SLC22A24: variants seen among roughly 807,000 people sequenced by gnomAD.
SLC22A24 encodes solute carrier family 22 member 24, also known as steroid transmembrane transporter SLC22A24.
In SLC22A24, 53 loss-of-function variants were observed where a neutral mutation model predicts 49.8. That is an observed-to-expected ratio of 1.06 (90% CI 0.85 to 1.34). The LOEUF is 1.34. SLC22A24 is among the 40% of genes most tolerant of loss of function. The pLI is 0.00. For missense variants in SLC22A24, 786 were observed against 675.9 expected (o/e 1.16, Z -1.81); for synonymous variants, 302 against 256.4 (o/e 1.18, Z -1.70).
chr11:63,085,782 T>C (rs1201677134), intron 6 of SLC22A24, among the ~76,000 whole-genome samples: 2 of 152,226 alleles, frequency 1.3e-5, no homozygotes, highest in Non-Finnish European at 2.9e-5. Flanking sequence ...ATGACGATGA[T>C]GGTAATGATA....
At chr11:63,124,290 A>G (rs1222457140) in intron 2 of SLC22A24, among the ~76,000 whole-genome samples, 3 of 152,144 alleles carry the variant, frequency 2.0e-5, no homozygotes, top group African/African-American at 7.2e-5. Context: ...GTTGAGTGTC[A>G]TCTAGCTCCT....
At chr11:63,119,446 A>T in intron 2 of SLC22A24, 111 bp from the exon 3 acceptor site, 2 of 1,057,898 alleles carry the variant, frequency 1.9e-6, no homozygotes, top group Non-Finnish European at 2.7e-6. Flanking sequence ...CAAGTGGAAC[A>T]TGGTGCTTGA....
intron 2 of SLC22A24, among the ~76,000 whole-genome samples, chr11:63,134,110 A>G (rs1215959196): frequency 6.6e-6 from 1 of 152,214 alleles, no homozygotes. Flanking sequence ...ATGTCTTCCT[A>G]TCCTGTGAGT....
chr11:63,102,901 C>T (rs879751514), intron 5 of SLC22A24, among the ~76,000 whole-genome samples: 4 of 152,106 alleles, frequency 2.6e-5, no homozygotes, highest in Non-Finnish European at 5.9e-5. Flanking sequence ...TTATTCCATG[C>T]TGCTATCATT....
At chr11:63,114,237 A>G (rs759913732) in intron 4 of SLC22A24, among the ~76,000 whole-genome samples, 11 of 152,152 alleles carry the variant, frequency 7.2e-5, no homozygotes, top group Non-Finnish European at 1.2e-4. Flanking sequence ...ACATAGTCCC[A>G]TATTTCTTAG....
At chr11:63,131,885 G>T (rs566385008) in intron 2 of SLC22A24, among the ~76,000 whole-genome samples, 1 of 152,262 alleles carries the variant, frequency 6.6e-6, no homozygotes, top group South Asian at 2.1e-4. Flanking sequence ...TTCTAACTTG[G>T]TTCCATTTTC....
At position 63,113,227 on chromosome 11, in the gene SLC22A24, TAC is replaced by T. The variant is rs199617253; in HGVS notation, c.830+5683_830+5684del. ...ACATATATATACACATATATATATA[TAC>T]ATATATATATATATACACACATACA... is the stretch of plus-strand genomic sequence containing the variant. On this transcript the variant is annotated intron_variant, in intron 4 of 9. Coordinates refer to ENST00000612278, the MANE Select transcript of SLC22A24 (RefSeq NM_001136506.2). Among the ~76,000 whole-genome samples the T allele has an allele frequency of 5.3e-5, 4 of 75,552 alleles. 1 individual carries two copies. Among genetic ancestry groups the T allele is most frequent in the African/African-American group, 1.1e-4 (2 of 17,856 alleles). 49.6% of individuals were successfully genotyped at this position (75,552 alleles called of 152,430 possible).
chr11:63,092,976 G>T (rs2087030112), intron 6 of SLC22A24, among the ~76,000 whole-genome samples: 1 of 151,888 alleles, frequency 6.6e-6, no homozygotes, highest in African/African-American at 2.4e-5. Flanking sequence ...GAATCTACAA[G>T]AACCTTAAAC....
At chr11:63,091,056 A>G (rs971177494) in intron 6 of SLC22A24, among the ~76,000 whole-genome samples, 7 of 152,022 alleles carry the variant, frequency 4.6e-5, no homozygotes, top group African/African-American at 1.7e-4. Context: ...TAAAGAAGAA[A>G]AGAGAGAAAA....
At chr11:63,108,779 T>C (rs758916003) in intron 4 of SLC22A24, among the ~76,000 whole-genome samples, 1 of 151,182 alleles carries the variant, frequency 6.6e-6, no homozygotes, top group Admixed American at 6.6e-5. Context: ...AGTGGTGATA[T>C]CCCCTTTATC....
At chr11:63,100,257 G>A (rs1050017098) in intron 5 of SLC22A24, among the ~76,000 whole-genome samples, 4 of 152,028 alleles carry the variant, frequency 2.6e-5, no homozygotes, top group African/African-American at 7.2e-5. Flanking sequence ...AAAATAAGTG[G>A]CATTTCTATA....
intron 4 of SLC22A24, among the ~76,000 whole-genome samples, chr11:63,114,486 G>A (rs566330816): frequency 3.9e-5 from 6 of 152,232 alleles, no homozygotes; most frequent in Non-Finnish European, 5.9e-5. Context: ...TAGCTTCCTT[G>A]TGATGTGTTA....
At chr11:63,090,317 A>G (rs949682753) in intron 6 of SLC22A24, among the ~76,000 whole-genome samples, 2 of 152,040 alleles carry the variant, frequency 1.3e-5, no homozygotes, top group African/African-American at 4.8e-5. Context: ...CAGAGAATTA[A>G]CAAGGGTATT....
chr11:63,101,104 A>T (rs2087087980), intron 5 of SLC22A24, among the ~76,000 whole-genome samples: 1 of 152,082 alleles, frequency 6.6e-6, no homozygotes, highest in Admixed American at 6.6e-5. Flanking sequence ...TCAACAAGGT[A>T]AAGAGACAGC....
chr11:63,100,971 G>A (rs971540369), intron 5 of SLC22A24, among the ~76,000 whole-genome samples: 5 of 152,090 alleles, frequency 3.3e-5, no homozygotes, highest in Admixed American at 3.3e-4. Context: ...AAACTCTCCA[G>A]GTCATTGGTC....
Position 63,113,167 on chromosome 11 carries a change from C to T in SLC22A24, c.830+5745G>A, listed in dbSNP as rs866276290. Among the ~76,000 whole-genome samples the T allele has an allele frequency of 8.7e-3, 19 of 2,190 alleles. 4 individuals are homozygous for T. Among genetic ancestry groups the T allele is most frequent in the African/African-American group, 0.011 (17 of 1,566 alleles). The allele number at this position is 2,190 out of a possible 152,430, so 1.4% of individuals were successfully genotyped here. A position where few individuals can be genotyped will look rare whatever the true frequency, so the allele number is the denominator to read the frequency against. Reference sequence around the variant, plus strand: ...ATATATATATACATATATATATACACATATATATACATATATATATACACA... The same window carrying T: ...ATATATATATACATATATATATACATATATATATACATATATATATACACA... On this transcript the variant is annotated intron_variant, in intron 4 of 9. Coordinates refer to ENST00000612278, the MANE Select transcript of SLC22A24 (RefSeq NM_001136506.2).
chr11:63,143,737 T>TC lies in SLC22A24; in HGVS notation c.42dup (p.Arg15GlufsTer20). 1 of 1,486,222 alleles carries TC rather than the reference T, an allele frequency of 6.7e-7. No homozygotes were observed. Among genetic ancestry groups the TC allele is most frequent in the Non-Finnish European group, 9.0e-7 (1 of 1,116,760 alleles). 92.1% of individuals were successfully genotyped at this position (1,486,222 alleles called of 1,614,324 possible). A position where few individuals can be genotyped will look rare whatever the true frequency, so the allele number is the denominator to read the frequency against. On this transcript the variant is annotated frameshift_variant, in exon 1 of 10. Transcript: ENST00000612278. LOFTEE classifies it high-confidence loss of function. ...AAAGCTATCAGACAAATCTGGAATC[T>TC]CCCCATGCCACCCACTTGATCCAGG...
chr11:63,103,183 G>A lies in SLC22A24; in HGVS notation c.954+992C>T, dbSNP rs550247528. Reference sequence around the variant, plus strand: ...TCTTTGTGTTTTCCTTTACTAACATGTTCTTCTACAGGGCATTTGCTCTCT... The same window carrying A: ...TCTTTGTGTTTTCCTTTACTAACATATTCTTCTACAGGGCATTTGCTCTCT... On this transcript the variant is annotated intron_variant, in intron 5 of 9. Coordinates refer to ENST00000612278, the MANE Select transcript of SLC22A24 (RefSeq NM_001136506.2). 1.5e-4 allele frequency among the ~76,000 whole-genome samples: 23 copies of A among 152,134 alleles called. 1 individual carries two copies. In the South Asian group the frequency reaches 4.4e-3, roughly 29 times the overall value.
chr11:63,110,107 C>G (rs919264547), intron 4 of SLC22A24, among the ~76,000 whole-genome samples: 1 of 151,744 alleles, frequency 6.6e-6, no homozygotes, highest in Non-Finnish European at 1.5e-5. Context: ...AATAGGGAAT[C>G]CTTTCCCCAT....
Sources: allele counts gnomAD v4.1 joint callset (sites outside exome capture counted in the v4.1 genomes callset), GRCh38; gene constraint gnomAD v4.1.1; transcripts MANE v1.5; gene names NCBI Gene and HGNC (gene_info 2026-07-23, HGNC 2026-07-21).